NRXN1: variants seen among roughly 807,000 people sequenced by gnomAD.
NRXN1 encodes neurexin-1.
Under a neutral mutation model 150.9 loss-of-function variants are expected in NRXN1, and 39 were observed. The ratio of observed to expected loss-of-function variants is 0.26; its 90% confidence interval spans 0.20 to 0.34. NRXN1 has a LOEUF of 0.34. Among genes scored for constraint, NRXN1 ranks in the 10% least tolerant of loss-of-function variants. The probability of loss-of-function intolerance (pLI) is 1.00; values close to 1 mark genes in which losing one functional copy is unlikely to be tolerated. For synonymous variants in NRXN1, 924 were observed against 757.0 expected, an observed-to-expected ratio of 1.22 and a Z score of -3.62; for missense variants, 1,815 against 1,949.9, an observed-to-expected ratio of 0.93 and a Z score of 1.30.
intron 2 of NRXN1, among the ~76,000 whole-genome samples, chr2:50,984,486 A>G (rs1697371414): frequency 6.6e-6 from 1 of 152,048 alleles, no homozygotes; most frequent in Non-Finnish European, 1.5e-5. Context: ...TTTGCCTAAT[A>G]TATGTGCCTA....
At chr2:50,721,613 T>C (rs1055994341) in intron 5 of NRXN1, among the ~76,000 whole-genome samples, 7 of 152,166 alleles carry the variant, frequency 4.6e-5, no homozygotes, top group African/African-American at 7.2e-5. Flanking sequence ...TTTTTTAAAG[T>C]GGAATGAGTC....
intron 5 of NRXN1, among the ~76,000 whole-genome samples, chr2:50,855,818 T>C (rs1398943015): frequency 2.0e-5 from 3 of 152,074 alleles, no homozygotes; most frequent in Non-Finnish European, 4.4e-5. Context: ...AGTGTATTAT[T>C]TGATTTAATC....
At chr2:50,352,216 A>G (rs1218056543) in intron 17 of NRXN1, among the ~76,000 whole-genome samples, 1 of 152,210 alleles carries the variant, frequency 6.6e-6, no homozygotes, top group Non-Finnish European at 1.5e-5. Flanking sequence ...AAAACACAAA[A>G]GAAATAGAAA....
At chr2:50,184,387 A>C (rs2060931900) in intron 18 of NRXN1, among the ~76,000 whole-genome samples, 1 of 152,018 alleles carries the variant, frequency 6.6e-6, no homozygotes, top group Admixed American at 6.6e-5. Flanking sequence ...CTTTTTATTT[A>C]ATATCAATTT....
At chr2:50,266,155 C>T (rs145180580) in intron 17 of NRXN1, among the ~76,000 whole-genome samples, 1,525 of 149,840 alleles carry the variant, frequency 0.01, 16 homozygotes, top group African/African-American at 0.035. Flanking sequence ...TGCACCACAA[C>T]GCCCAGGTAA....
chr2:50,021,795 G>C (rs1034638870), intron 21 of NRXN1, among the ~76,000 whole-genome samples: 1 of 152,054 alleles, frequency 6.6e-6, no homozygotes, highest in Non-Finnish European at 1.5e-5. Flanking sequence ...GTTTCTTTAT[G>C]ACCCTATACA....
intron 17 of NRXN1, among the ~76,000 whole-genome samples, chr2:50,344,101 C>A (rs1044175459): frequency 4.6e-5 from 7 of 152,106 alleles, no homozygotes; most frequent in African/African-American, 1.7e-4. Context: ...GCGAAATATT[C>A]AGAGAGCTAT....
chr2:50,187,142 CAT>C (rs1182347795), intron 18 of NRXN1, among the ~76,000 whole-genome samples: 2 of 152,000 alleles, frequency 1.3e-5, no homozygotes, highest in African/African-American at 2.4e-5. Context: ...ACACCTAAAA[CAT>C]GTGCAACTGT....
chr2:49,988,683 T>G (rs1023406735), intron 21 of NRXN1, among the ~76,000 whole-genome samples: 3 of 151,132 alleles, frequency 2.0e-5, no homozygotes, highest in African/African-American at 7.3e-5. Flanking sequence ...GAGAATGAAT[T>G]GAATTATCAC....
At chr2:50,011,811 T>C (rs1037501314) in intron 21 of NRXN1, among the ~76,000 whole-genome samples, 8 of 152,058 alleles carry the variant, frequency 5.3e-5, no homozygotes, top group African/African-American at 9.7e-5. Context: ...CAAAGAATCA[T>C]AGAAAATTGG....
intron 5 of NRXN1, among the ~76,000 whole-genome samples, chr2:50,810,272 C>T (rs1266215865): frequency 6.6e-6 from 1 of 152,128 alleles, no homozygotes; most frequent in Non-Finnish European, 1.5e-5. Context: ...TCATTTAATT[C>T]CTTCAAAAGC....
Position 50,318,567 on chromosome 2 carries a change from G to T in NRXN1, c.3365-81597C>A, listed in dbSNP as rs560060682. On this transcript the variant is annotated intron_variant, in intron 17 of 22. Transcript: ENST00000401669. ...TGAGCATAGAGTGGGTTACAATATT[G>T]TGATTTTTTTTCACTCAGTAGAATG... 2.0e-5 allele frequency among the ~76,000 whole-genome samples: 3 copies of T among 152,080 alleles called. No individual in the cohort carries two copies. In the East Asian group the frequency reaches 5.8e-4, roughly 29 times the overall value.
chr2:50,842,536 T>C (rs1384491666), intron 5 of NRXN1, among the ~76,000 whole-genome samples: 2 of 152,194 alleles, frequency 1.3e-5, no homozygotes, highest in Non-Finnish European at 2.9e-5. Context: ...AATACAACAA[T>C]GGCATTCAGG....
intron 12 of NRXN1, among the ~76,000 whole-genome samples, chr2:50,518,117 T>C (rs1472885408): frequency 2.0e-5 from 3 of 152,088 alleles, no homozygotes; most frequent in African/African-American, 7.2e-5. Flanking sequence ...GCGAAAAACA[T>C]ACATTTTAAG....
At chr2:50,266,407 TATA>T (rs1353799597) in intron 17 of NRXN1, among the ~76,000 whole-genome samples, 1 of 148,148 alleles carries the variant, frequency 6.8e-6, no homozygotes, top group African/African-American at 2.5e-5. Context: ...TAAATGTATA[TATA>T]ATGTTTATAA....
At chr2:50,930,815 C>A (rs750059305) in intron 2 of NRXN1, among the ~76,000 whole-genome samples, 2 of 152,102 alleles carry the variant, frequency 1.3e-5, no homozygotes, top group Non-Finnish European at 2.9e-5. Context: ...CAACACTGAG[C>A]AGAGTGCTTA....
At chr2:49,993,242 C>A (rs1272019661) in intron 21 of NRXN1, among the ~76,000 whole-genome samples, 2 of 152,130 alleles carry the variant, frequency 1.3e-5, no homozygotes, top group South Asian at 2.1e-4. Flanking sequence ...AAAAAATGAG[C>A]CACTGAACCA....
chr2:50,951,345 A>T (rs1311029568), intron 2 of NRXN1, among the ~76,000 whole-genome samples: 1 of 152,148 alleles, frequency 6.6e-6, no homozygotes, highest in Non-Finnish European at 1.5e-5. Flanking sequence ...GGGGTACTAA[A>T]CGTCCCATAA....
In NRXN1 at chr2:49,983,983, T is replaced by C. The variant is rs1487690214; in HGVS notation, c.4129-40192A>G. 2.7e-5 allele frequency among the ~76,000 whole-genome samples: 4 copies of C among 148,998 alleles called. No individual in the cohort carries two copies. In the South Asian group the frequency reaches 8.6e-4, roughly 32 times the overall value. On this transcript the variant is annotated intron_variant, in intron 21 of 22. Transcript: ENST00000401669. ...TTTGAGATCAGCCTGGGCAATAGAG[T>C]GAGATCTCATTTCTACTAAAATTAA...
Sources: allele counts gnomAD v4.1 joint callset (sites outside exome capture counted in the v4.1 genomes callset), GRCh38; gene constraint gnomAD v4.1.1; transcripts MANE v1.5; gene names NCBI Gene and HGNC (gene_info 2026-07-23, HGNC 2026-07-21).